Variants in MAN2A1 observed in about 807,000 individuals in gnomAD.
The protein encoded by MAN2A1 is alpha-mannosidase 2.
In MAN2A1, 76 loss-of-function variants were observed where a neutral mutation model predicts 142.6. The ratio of observed to expected loss-of-function variants is 0.53; its 90% CI spans 0.44 to 0.65. MAN2A1 has a LOEUF of 0.65. Among genes scored for constraint, MAN2A1 ranks in the 30% least tolerant of loss-of-function variants. MAN2A1 has a pLI of 0.00. For missense variants in MAN2A1, 1,311 were observed against 1,365.1 expected (o/e 0.96, Z 0.62); for synonymous variants, 559 against 473.2 (o/e 1.18, Z -2.35).
chr5:109,800,456 T>G (rs960663642), intron 12 of MAN2A1, among the ~76,000 whole-genome samples: 1 of 152,186 alleles, frequency 6.6e-6, no homozygotes, highest in African/African-American at 2.4e-5. Context: ...AGCTAGGAAT[T>G]GCACTAGAGG....
intron 1 of MAN2A1, among the ~76,000 whole-genome samples, chr5:109,700,288 T>G (rs1310980062): frequency 6.6e-6 from 1 of 151,964 alleles, no homozygotes; most frequent in East Asian, 1.9e-4. Context: ...CCGGTTTTTT[T>G]TTTTTTTTTT....
Position 109,866,892 on chromosome 5 carries a change from C to T in MAN2A1, c.3329C>T (p.Thr1110Ile), listed in dbSNP as rs1267606343. 3 of 1,611,440 alleles carry T rather than the reference C, an allele frequency of 1.9e-6. No individual in the cohort carries two copies. The highest frequency in any genetic ancestry group is 1.7e-5 in the Admixed American group (1 of 59,824). The change falls in exon 22 of 22, where the codon ACA becomes ATA. Residue 1110 changes from threonine to isoleucine, a missense_variant. Transcript: ENST00000261483. ...LLNKFIVESL[T>I]PSSLSLMHSP... is the part of the protein sequence containing the mutation. ...AACAAGTTTATTGTCGAAAGTCTCACACCTTCATCACTATCCTTGATGCAT... is the reference window on the plus strand; with the variant it reads ...AACAAGTTTATTGTCGAAAGTCTCATACCTTCATCACTATCCTTGATGCAT...
At chr5:109,750,348 G>A (rs1279079339) in intron 4 of MAN2A1, among the ~76,000 whole-genome samples, 4 of 151,946 alleles carry the variant, frequency 2.6e-5, no homozygotes, top group Non-Finnish European at 5.9e-5. Flanking sequence ...AAATCTTCCT[G>A]CTTGTAAGAA....
intron 16 of MAN2A1, among the ~76,000 whole-genome samples, chr5:109,832,894 G>A (rs1421975398): frequency 4.6e-5 from 7 of 151,822 alleles, no homozygotes; most frequent in Non-Finnish European, 8.8e-5. Context: ...GCCGGGCGGA[G>A]GGGCTCCTCA....
In MAN2A1 at chr5:109,784,782, C is replaced by G; in HGVS notation, c.1616C>G (p.Ala539Gly). 2 of 1,607,690 alleles carry G rather than the reference C, an allele frequency of 1.2e-6. No homozygotes were observed. Among genetic ancestry groups the G allele is most frequent in the Non-Finnish European group, 1.7e-6 (2 of 1,178,032 alleles). The change falls in exon 10 of 22, where the codon GCT becomes GGT. Residue 539 changes from alanine to glycine, a missense_variant. By Grantham distance (60) the Ala-to-Gly change is moderately conservative (BLOSUM62 0). This residue lies in a region of MAN2A1 where 890 missense variants were observed against 920.5 expected (regional missense o/e 0.97). Transcript: ENST00000261483. ...EILYYFALRQAHKYKINKFLS... is the reference protein window; with the variant it reads ...EILYYFALRQGHKYKINKFLS... ...CTTTACTATTTCGCCCTGAGACAAG[C>G]TCACAAATACAAGATAAATAAATTT... is the stretch of plus-strand genomic sequence containing the variant.
chr5:109,732,846 G>A (rs957618338), intron 4 of MAN2A1, among the ~76,000 whole-genome samples: 1 of 151,506 alleles, frequency 6.6e-6, no homozygotes, highest in Non-Finnish European at 1.5e-5. Flanking sequence ...GGCGATGCGG[G>A]CTCTTTTTTG....
intron 5 of MAN2A1, among the ~76,000 whole-genome samples, chr5:109,757,677 C>T (rs1221608235): frequency 6.6e-6 from 1 of 152,154 alleles, no homozygotes; most frequent in Non-Finnish European, 1.5e-5. Context: ...ACCTTATACC[C>T]AGTAGTAGTC....
chr5:109,853,340 G>C (rs187970639), intron 19 of MAN2A1, among the ~76,000 whole-genome samples: 1 of 152,280 alleles, frequency 6.6e-6, no homozygotes, highest in East Asian at 1.9e-4. Context: ...TCTCAAGATT[G>C]TGTAGATTTG....
intron 16 of MAN2A1, among the ~76,000 whole-genome samples, chr5:109,841,983 G>C (rs1057060601): frequency 2.0e-5 from 3 of 152,156 alleles, no homozygotes; most frequent in African/African-American, 7.2e-5. Flanking sequence ...CAGATGAGAA[G>C]TGGACTGGCC....
At chr5:109,706,601 G>C (rs1192664187) in intron 1 of MAN2A1, among the ~76,000 whole-genome samples, 1 of 152,190 alleles carries the variant, frequency 6.6e-6, no homozygotes, top group Non-Finnish European at 1.5e-5. Context: ...AAGCTGAATT[G>C]CTTCCACCTT....
At chr5:109,703,271 A>C (rs139565358) in intron 1 of MAN2A1, among the ~76,000 whole-genome samples, 1 of 152,266 alleles carries the variant, frequency 6.6e-6, no homozygotes, top group Non-Finnish European at 1.5e-5. Flanking sequence ...TTTTGTTAGC[A>C]TATCCTAACA....
intron 16 of MAN2A1, among the ~76,000 whole-genome samples, chr5:109,829,431 C>T (rs1754847437): frequency 6.6e-6 from 1 of 152,164 alleles, no homozygotes; most frequent in South Asian, 2.1e-4. Context: ...AAAACATTCT[C>T]ATAACAAGCA....
At chr5:109,837,859 T>G (rs1396270206) in intron 16 of MAN2A1, among the ~76,000 whole-genome samples, 4 of 152,194 alleles carry the variant, frequency 2.6e-5, no homozygotes, top group African/African-American at 7.2e-5. Flanking sequence ...CTACTTAAAC[T>G]TTATCCATAG....
At chr5:109,740,106 T>A (rs1226678942) in intron 4 of MAN2A1, among the ~76,000 whole-genome samples, 1 of 152,188 alleles carries the variant, frequency 6.6e-6, no homozygotes, top group African/African-American at 2.4e-5. Flanking sequence ...GTTCTGTGTG[T>A]TCAAGACAGT....
At chr5:109,808,848 C>G (rs1352269875) in intron 12 of MAN2A1, among the ~76,000 whole-genome samples, 1 of 151,854 alleles carries the variant, frequency 6.6e-6, no homozygotes, top group Non-Finnish European at 1.5e-5. Flanking sequence ...GGACTACACA[C>G]ACGCACCACC....
intron 16 of MAN2A1, among the ~76,000 whole-genome samples, chr5:109,839,813 G>A (rs184928591): frequency 6.6e-6 from 1 of 152,080 alleles, no homozygotes; most frequent in Admixed American, 6.6e-5. Context: ...TGAAAATTCT[G>A]ATCCTAGAGG....
chr5:109,738,241 T>G (rs1752162986), intron 4 of MAN2A1, among the ~76,000 whole-genome samples: 1 of 151,122 alleles, frequency 6.6e-6, no homozygotes, highest in Admixed American at 6.6e-5. Flanking sequence ...ATGTTTTTTT[T>G]TTTTTTTTTT....
intron 5 of MAN2A1, among the ~76,000 whole-genome samples, chr5:109,761,407 G>T (rs1299419778): frequency 6.6e-6 from 1 of 151,688 alleles, no homozygotes; most frequent in Non-Finnish European, 1.5e-5. Context: ...TTTCTTCTTA[G>T]TATTTTTCAC....
In MAN2A1 at chr5:109,817,246, C is replaced by T. The variant is rs922257318; in HGVS notation, c.1944-27C>T. 1.9e-6 allele frequency: 3 copies of T among 1,603,722 alleles called. No individual in the cohort carries two copies. In the African/African-American group the frequency reaches 4.0e-5, roughly 22 times the overall value. On this transcript the variant is annotated intron_variant, in intron 12 of 21. Coordinates refer to ENST00000261483, the MANE Select transcript of MAN2A1 (RefSeq NM_002372.4). ...TAAGAAGTAAAAATATTTTGAGATC[C>T]CAATAATGAAGCAGCTGTTTTTGCA...
Sources: allele counts gnomAD v4.1 joint callset (sites outside exome capture counted in the v4.1 genomes callset), GRCh38; gene constraint gnomAD v4.1.1; regional missense constraint gnomAD v4.1.1; transcripts MANE v1.5; gene names NCBI Gene and HGNC (gene_info 2026-07-23, HGNC 2026-07-21).